Variants in IL1RL2 observed in about 807,000 individuals in gnomAD.
The protein encoded by IL1RL2 is interleukin 1 receptor like 2.
Under a neutral mutation model 66.8 loss-of-function variants are expected in IL1RL2, and 68 were observed. The ratio of observed to expected loss-of-function variants is 1.02; its 90% CI spans 0.84 to 1.25. The LOEUF is 1.25. Ranked by LOEUF, IL1RL2 falls within the 50% of genes most tolerant of loss-of-function variation. The pLI, the probability that IL1RL2 is intolerant of heterozygous loss-of-function variation, is 0.00. For synonymous variants in IL1RL2, 305 were observed against 264.6 expected (o/e 1.15, Z -1.48); for missense variants, 729 against 709.3 (o/e 1.03, Z -0.32).
chr2:102,189,521 A>G (rs1287400523), intron 3 of IL1RL2, among the ~76,000 whole-genome samples: 2 of 152,236 alleles, frequency 1.3e-5, no homozygotes, highest in Non-Finnish European at 2.9e-5. Flanking sequence ...TCCCTATGGA[A>G]ATGGCACCTC....
chr2:102,232,879 A>ACTCAGGTAG, intron 9 of IL1RL2, 84 bp from the exon 10 acceptor site: 1 of 1,493,546 alleles, frequency 6.7e-7, no homozygotes, highest in Non-Finnish European at 9.1e-7. Flanking sequence ...AAAGGACACC[A>ACTCAGGTAG]TGGTAGCCGC....
intron 9 of IL1RL2, 101 bp downstream of exon 9, chr2:102,226,142 GC>G: frequency 2.1e-6 from 2 of 944,414 alleles, no homozygotes; most frequent in Non-Finnish European, 3.0e-6. Flanking sequence ...TACGTTGTTG[GC>G]AAATTTAGGG....
In IL1RL2 at chr2:102,219,059, C is replaced by A; in HGVS notation, c.831C>A (p.Ser277=). 1 of 1,613,856 alleles carries A rather than the reference C, an allele frequency of 6.2e-7. No homozygotes were observed. Among genetic ancestry groups the A allele is most frequent in the South Asian group, 1.1e-5 (1 of 91,070 alleles). The change falls in exon 7 of 12, where the codon TCC becomes TCA. Residue 277 remains serine (S), a synonymous_variant. Coordinates refer to ENST00000264257, the MANE Select transcript of IL1RL2 (RefSeq NM_003854.4). ...NTLVDDYYDE[S]KRIREGVETH... The stretch of plus-strand genomic sequence containing the variant: ...TGGTGGATGATTACTATGATGAATC[C>A]AAACGAATCAGAGAAGGGGTGGAGT...
At position 102,187,099 on chromosome 2, in the gene IL1RL2, C is replaced by A; in HGVS notation, c.-13+13C>A. 7.8e-7 allele frequency: 1 copy of A among 1,289,736 alleles called. No homozygotes were observed. 79.9% of individuals were successfully genotyped at this position (1,289,736 alleles called of 1,614,324 possible). A position where few individuals can be genotyped will look rare whatever the true frequency, so the allele number is the denominator to read the frequency against. ...ATCCTGCAGGCAGGTAGACACCGGG[C>A]CGGGAGTCTGGCTGAGCCAGGCATG... On this transcript the variant is annotated intron_variant, in intron 1 of 11. Transcript: ENST00000264257.
At chr2:102,213,241 A>T (rs910908937) in intron 6 of IL1RL2, among the ~76,000 whole-genome samples, 3 of 152,210 alleles carry the variant, frequency 2.0e-5, no homozygotes, top group African/African-American at 7.2e-5. Flanking sequence ...TTCGAGGAAT[A>T]TAGTAAAAGT....
intron 4 of IL1RL2, among the ~76,000 whole-genome samples, chr2:102,200,911 C>G (rs1033720686): frequency 2.6e-5 from 4 of 152,102 alleles, no homozygotes; most frequent in Admixed American, 1.3e-4. Context: ...CACCATAAAC[C>G]TGGCCAGCTT....
intron 5 of IL1RL2, among the ~76,000 whole-genome samples, chr2:102,202,589 T>G (rs1922302): frequency 0.63 from 95,793 of 151,718 alleles, 30,548 homozygotes; most frequent in Admixed American, 0.69. Context: ...TTTAATTTCG[T>G]TTAATTCCTA....
chr2:102,227,088 G>A (rs1690686203), intron 9 of IL1RL2, among the ~76,000 whole-genome samples: 1 of 152,136 alleles, frequency 6.6e-6, no homozygotes, highest in African/African-American at 2.4e-5. Flanking sequence ...CTTTTGTTTT[G>A]TTTTGTTTTG....
chr2:102,226,362 G>A (rs1306039670), intron 9 of IL1RL2, among the ~76,000 whole-genome samples: 1 of 152,136 alleles, frequency 6.6e-6, no homozygotes, highest in Non-Finnish European at 1.5e-5. Context: ...AAGTTTCTCC[G>A]AAACCAAAGT....
intron 4 of IL1RL2, among the ~76,000 whole-genome samples, chr2:102,201,258 T>C (rs1688228604): frequency 6.6e-6 from 1 of 152,296 alleles, no homozygotes; most frequent in Non-Finnish European, 1.5e-5. Context: ...TTATTGTTTG[T>C]ATCATTCACT....
intron 8 of IL1RL2, among the ~76,000 whole-genome samples, chr2:102,222,489 G>A (rs921342450): frequency 7.9e-5 from 12 of 152,090 alleles, no homozygotes; most frequent in African/African-American, 2.9e-4. Flanking sequence ...TTACTGATAG[G>A]CGATGAAATG....
At chr2:102,236,960 A>C (rs1293279753) in intron 11 of IL1RL2, among the ~76,000 whole-genome samples, 1 of 152,258 alleles carries the variant, frequency 6.6e-6, no homozygotes, top group Non-Finnish European at 1.5e-5. Flanking sequence ...GTCTCCGGGA[A>C]GTCAGAGGTT....
intron 6 of IL1RL2, among the ~76,000 whole-genome samples, chr2:102,214,016 T>A (rs1486000180): frequency 6.6e-6 from 1 of 152,198 alleles, no homozygotes; most frequent in Non-Finnish European, 1.5e-5. Context: ...TAGGCCCATA[T>A]GTTTTTAGGA....
rs149377129 is a variant in IL1RL2 at position 102,197,197 on chromosome 2, G to T, written c.490-4359G>T. ...AATTTGTAGTGGTACCAAGACCCCTGTTTATGTGATTATCTCCTATAGTGC... is the reference window on the plus strand; with the variant it reads ...AATTTGTAGTGGTACCAAGACCCCTTTTTATGTGATTATCTCCTATAGTGC... On this transcript the variant is annotated intron_variant, in intron 4 of 11. Coordinates refer to ENST00000264257, the MANE Select transcript of IL1RL2 (RefSeq NM_003854.4). Among the ~76,000 whole-genome samples, 322 of 152,266 alleles carry T rather than the reference G, an allele frequency of 2.1e-3. 3 individuals carry two copies. The highest frequency in any genetic ancestry group is 4.8e-3 in the East Asian group (25 of 5,176).
intron 5 of IL1RL2, among the ~76,000 whole-genome samples, chr2:102,204,065 T>C (rs914392651): frequency 1.3e-5 from 2 of 152,098 alleles, no homozygotes; most frequent in Non-Finnish European, 2.9e-5. Flanking sequence ...GTATCCCATA[T>C]GTTTTAGTAT....
chr2:102,216,786 T>G (rs1379741872), intron 6 of IL1RL2, among the ~76,000 whole-genome samples: 2 of 152,202 alleles, frequency 1.3e-5, no homozygotes, highest in East Asian at 3.8e-4. Context: ...AAATAAAGAC[T>G]TTTATGGTTA....
In IL1RL2 at chr2:102,220,320, G is replaced by A. The variant is rs553598072; in HGVS notation, c.991+303G>A. ...ATTAAGCGTGATTGCCAAATGTTTT[G>A]CTTTTGATTTTCAACTTTTAGATTT... On this transcript the variant is annotated intron_variant, in intron 8 of 11. Coordinates refer to ENST00000264257, the MANE Select transcript of IL1RL2 (RefSeq NM_003854.4). Among the ~76,000 whole-genome samples the A allele has an allele frequency of 2.0e-5, 3 of 152,226 alleles. No homozygotes were observed. The South Asian group carries it at 6.2e-4, about 32-fold the overall frequency.
Position 102,192,132 on chromosome 2 carries a change from T to C in IL1RL2, c.489+12T>C. ...TAAAGTGGTATAAGGTAAAAAAGAATTTTCTTATTGATATTTTTCCTCCTT... is the reference window on the plus strand; with the variant it reads ...TAAAGTGGTATAAGGTAAAAAAGAACTTTCTTATTGATATTTTTCCTCCTT... On this transcript the variant is annotated intron_variant, in intron 4 of 11. Coordinates refer to ENST00000264257, the MANE Select transcript of IL1RL2 (RefSeq NM_003854.4). 1 of 1,527,198 alleles carries C rather than the reference T, an allele frequency of 6.5e-7. No individual in the cohort carries two copies. Among genetic ancestry groups the C allele is most frequent in the Non-Finnish European group, 8.8e-7 (1 of 1,135,972 alleles). The allele number at this position is 1,527,198 out of a possible 1,614,324, so 94.6% of individuals were successfully genotyped here.
At chr2:102,215,318 A>G (rs150576372) in intron 6 of IL1RL2, among the ~76,000 whole-genome samples, 1 of 152,322 alleles carries the variant, frequency 6.6e-6, no homozygotes, top group African/African-American at 2.4e-5. Context: ...TCTGGGGGCC[A>G]GTAGCCACTG....
Sources: allele counts gnomAD v4.1 joint callset (sites outside exome capture counted in the v4.1 genomes callset), GRCh38; gene constraint gnomAD v4.1.1; transcripts MANE v1.5; gene names NCBI Gene and HGNC (gene_info 2026-07-23, HGNC 2026-07-21).